The following TAFA4 variants were observed in gnomAD, a reference collection of about 807,000 sequenced individuals.
TAFA4 encodes the protein chemokine-like protein TAFA-4.
Under a neutral mutation model 21.1 loss-of-function variants are expected in TAFA4, and 20 were observed. The observed-to-expected ratio is 0.95, with a 90% CI of 0.67 to 1.38. The LOEUF is 1.38. TAFA4 is among the 40% of genes most tolerant of loss of function. TAFA4 has a pLI of 0.00. For synonymous variants in TAFA4, 71 were observed against 67.4 expected (o/e 1.05, Z -0.26); for missense variants, 211 against 180.9 (o/e 1.17, Z -0.95).
At chr3:68,762,671 A>G (rs899803878) in intron 3 of TAFA4, among the ~76,000 whole-genome samples, 1 of 152,246 alleles carries the variant, frequency 6.6e-6, no homozygotes, top group Non-Finnish European at 1.5e-5. Flanking sequence ...AAGTCTGTCT[A>G]TCTCTCAGTG....
intron 3 of TAFA4, among the ~76,000 whole-genome samples, chr3:68,840,014 T>A (rs1704622132): frequency 6.6e-6 from 1 of 152,148 alleles, no homozygotes; most frequent in African/African-American, 2.4e-5. Flanking sequence ...TTAACCTCCC[T>A]TGGGTTCCAG....
chr3:68,869,972 A>G (rs1177911308), intron 3 of TAFA4, among the ~76,000 whole-genome samples: 1 of 152,080 alleles, frequency 6.6e-6, no homozygotes, highest in Non-Finnish European at 1.5e-5. Flanking sequence ...AAAGATTCCA[A>G]CAAAAAACAC....
intron 3 of TAFA4, among the ~76,000 whole-genome samples, chr3:68,832,505 C>T (rs1050817086): frequency 6.6e-6 from 1 of 152,202 alleles, no homozygotes; most frequent in Admixed American, 6.5e-5. Flanking sequence ...TGGGTATCAC[C>T]AGCAGAGGCT....
intron 3 of TAFA4, among the ~76,000 whole-genome samples, chr3:68,860,251 G>C (rs1169781237): frequency 6.6e-6 from 1 of 152,038 alleles, no homozygotes; most frequent in Non-Finnish European, 1.5e-5. Flanking sequence ...GTTCCACATG[G>C]CACCTACCTA....
intron 1 of TAFA4, among the ~76,000 whole-genome samples, chr3:68,901,920 T>C (rs1203900393): frequency 6.6e-6 from 1 of 152,204 alleles, no homozygotes; most frequent in Admixed American, 6.5e-5. Context: ...AAAATAGATT[T>C]GGAAATAACT....
chr3:68,740,562 A>C (rs1702330133), intron 4 of TAFA4, among the ~76,000 whole-genome samples: 1 of 152,160 alleles, frequency 6.6e-6, no homozygotes, highest in African/African-American at 2.4e-5. Flanking sequence ...GCACTTGAGC[A>C]GGTAGGTTTC....
At chr3:68,929,049 A>G (rs1399405489) in intron 1 of TAFA4, among the ~76,000 whole-genome samples, 2 of 152,242 alleles carry the variant, frequency 1.3e-5, no homozygotes, top group East Asian at 3.9e-4. Context: ...CAACTGTACA[A>G]CAGGAAGAAT....
chr3:68,869,742 C>T (rs781481241), intron 3 of TAFA4, among the ~76,000 whole-genome samples: 25 of 151,902 alleles, frequency 1.6e-4, no homozygotes, highest in Non-Finnish European at 2.9e-4. Flanking sequence ...GTAACAAACC[C>T]ACAGCTAACA....
intron 3 of TAFA4, among the ~76,000 whole-genome samples, chr3:68,806,607 C>G (rs140531367): frequency 1.3e-5 from 2 of 152,058 alleles, no homozygotes; most frequent in East Asian, 3.9e-4. Context: ...CTTTACATCC[C>G]CCACAATTCA....
intron 3 of TAFA4, among the ~76,000 whole-genome samples, chr3:68,790,593 G>A (rs1703343891): frequency 7.2e-5 from 11 of 152,180 alleles, no homozygotes; most frequent in Admixed American, 7.2e-4. Flanking sequence ...AAGTTCTCAG[G>A]TAGAAGGTCA....
chr3:68,865,866 C>A (rs539508074), intron 3 of TAFA4, among the ~76,000 whole-genome samples: 1 of 152,168 alleles, frequency 6.6e-6, no homozygotes, highest in Non-Finnish European at 1.5e-5. Flanking sequence ...AAACTCCAGA[C>A]AGATGGTAAG....
At chr3:68,786,577 T>G (rs1347030667) in intron 3 of TAFA4, among the ~76,000 whole-genome samples, 2 of 152,208 alleles carry the variant, frequency 1.3e-5, no homozygotes, top group Non-Finnish European at 2.9e-5. Context: ...TTACCACATA[T>G]AAGTATTAGC....
rs2089736637 is a variant in TAFA4 at position 68,892,223 on chromosome 3, A to T, written c.-122-6913T>A. Among the ~76,000 whole-genome samples, 4 of 152,214 alleles carry T rather than the reference A, an allele frequency of 2.6e-5. No homozygotes were observed. In the South Asian group the frequency reaches 8.3e-4, roughly 32 times the overall value. ...CAATATGTGGTATATACCTGTCATA[A>T]ATTGCTTTTTATTGCTTCCTTAAAA... On this transcript the variant is annotated intron_variant, in intron 1 of 5. Transcript: ENST00000295569.
At chr3:68,906,928 G>A (rs1186806449) in intron 1 of TAFA4, among the ~76,000 whole-genome samples, 1 of 151,232 alleles carries the variant, frequency 6.6e-6, no homozygotes, top group Non-Finnish European at 1.5e-5. Context: ...TTACTTGGGA[G>A]GCCGACGTGG....
intron 3 of TAFA4, among the ~76,000 whole-genome samples, chr3:68,877,504 C>G (rs1202887108): frequency 6.6e-6 from 1 of 152,190 alleles, no homozygotes; most frequent in Non-Finnish European, 1.5e-5. Flanking sequence ...CTTCACAATT[C>G]TTGACATCTA....
intron 3 of TAFA4, among the ~76,000 whole-genome samples, chr3:68,838,966 G>T (rs6805584): frequency 0.31 from 46,965 of 151,986 alleles, 7,683 homozygotes; most frequent in Non-Finnish European, 0.37. Context: ...GGTATGGTGA[G>T]GCGCACCTGT....
intron 1 of TAFA4, among the ~76,000 whole-genome samples, chr3:68,889,117 G>A (rs1045148001): frequency 6.6e-6 from 1 of 152,170 alleles, no homozygotes; most frequent in African/African-American, 2.4e-5. Flanking sequence ...TTTCAATGAT[G>A]AAAGACATTG....
At chr3:68,825,249 A>G (rs1704202710) in intron 3 of TAFA4, among the ~76,000 whole-genome samples, 1 of 152,088 alleles carries the variant, frequency 6.6e-6, no homozygotes, top group South Asian at 2.1e-4. Context: ...TTCCTGTGTT[A>G]GTTTGCTGAG....
intron 1 of TAFA4, among the ~76,000 whole-genome samples, chr3:68,891,947 A>G (rs2089734523): frequency 6.6e-6 from 1 of 152,222 alleles, no homozygotes; most frequent in African/African-American, 2.4e-5. Flanking sequence ...GCACAATGAA[A>G]TGTAACTTCT....
Sources: gnomAD v4.1 joint callset for allele counts (sites outside exome capture counted in the v4.1 genomes callset) on GRCh38, gnomAD v4.1.1 for gene constraint, MANE v1.5 for transcripts, NCBI Gene and HGNC (gene_info 2026-07-23, HGNC 2026-07-21) for gene names.